Variants in TTC28 observed in about 807,000 individuals in gnomAD.
TTC28 encodes the protein tetratricopeptide repeat protein 28.
TTC28 carries 61 observed loss-of-function variants against 198.0 expected under a neutral mutation model. The ratio of observed to expected loss-of-function variants is 0.31; its 90% CI spans 0.25 to 0.38. The LOEUF (loss-of-function observed/expected upper bound fraction) is 0.38, where lower values mean the gene tolerates loss of function less well. Ranked by LOEUF, TTC28 falls within the 10% of genes least tolerant of loss-of-function variation. The pLI is 1.00. For missense variants in TTC28, 2,678 were observed against 3,164.0 expected (o/e 0.85, Z 3.69); for synonymous variants, 1,171 against 1,297.8 (o/e 0.90, Z 2.10).
intron 5 of TTC28, among the ~76,000 whole-genome samples, chr22:28,277,437 G>C (rs550449768): frequency 6.6e-6 from 1 of 152,134 alleles, no homozygotes; most frequent in Non-Finnish European, 1.5e-5. Context: ...TCAGTGAATG[G>C]GAAGGGCATT....
intron 2 of TTC28, among the ~76,000 whole-genome samples, chr22:28,570,049 C>T (rs2146023522): frequency 6.6e-6 from 1 of 152,220 alleles, no homozygotes; most frequent in East Asian, 1.9e-4. Flanking sequence ...AAAGTCAAAA[C>T]ATAACAGACG....
chr22:27,985,844 T>G (rs553435024), intron 21 of TTC28: 1 of 155,838 alleles, frequency 6.4e-6, no homozygotes, highest in South Asian at 2.0e-4. Flanking sequence ...CCCGTGGGCT[T>G]TGAAATGATC....
chr22:28,201,195 T>A (rs1054013401), intron 5 of TTC28, among the ~76,000 whole-genome samples: 1 of 152,152 alleles, frequency 6.6e-6, no homozygotes, highest in Non-Finnish European at 1.5e-5. Context: ...ATTCATTCAT[T>A]CATTCATTCA....
chr22:28,388,204 A>G (rs542571172), intron 2 of TTC28, among the ~76,000 whole-genome samples: 1 of 152,224 alleles, frequency 6.6e-6, no homozygotes, highest in East Asian at 1.9e-4. Flanking sequence ...ATTGATCTAT[A>G]TCTCTGTTTT....
intron 2 of TTC28, among the ~76,000 whole-genome samples, chr22:28,584,676 G>A (rs989957022): frequency 1.2e-4 from 19 of 152,010 alleles, no homozygotes; most frequent in African/African-American, 3.1e-4. Context: ...CTACCATACC[G>A]GACAACACAA....
chr22:28,584,204 C>T (rs1054096510), intron 2 of TTC28, among the ~76,000 whole-genome samples: 1 of 152,122 alleles, frequency 6.6e-6, no homozygotes, highest in Non-Finnish European at 1.5e-5. Flanking sequence ...AGCAGTATTC[C>T]ATTTCTTTAT....
chr22:28,199,584 CTGTGTATGTGTA>C (rs143224929), intron 5 of TTC28, among the ~76,000 whole-genome samples: 10,149 of 143,996 alleles, frequency 0.07, 445 homozygotes, highest in South Asian at 0.08. Context: ...TGCATGTGCA[CTGTGTATGTGTA>C]TGTGTATGTG....
At chr22:28,207,540 T>C (rs1926531724) in intron 5 of TTC28, among the ~76,000 whole-genome samples, 1 of 152,134 alleles carries the variant, frequency 6.6e-6, no homozygotes, top group Non-Finnish European at 1.5e-5. Context: ...AGGCCAACAA[T>C]ATCTGACTCT....
At chr22:28,181,314 T>A (rs547468784) in intron 5 of TTC28, among the ~76,000 whole-genome samples, 1 of 152,290 alleles carries the variant, frequency 6.6e-6, no homozygotes, top group South Asian at 2.1e-4. Context: ...CAGATGTAAA[T>A]TAACAGATTA....
chr22:28,465,158 T>G (rs775594598), intron 2 of TTC28, among the ~76,000 whole-genome samples: 1 of 152,216 alleles, frequency 6.6e-6, no homozygotes, highest in Non-Finnish European at 1.5e-5. Context: ...AATATTTTCT[T>G]CAGCTAGCTT....
chr22:28,593,440 G>A (rs2050471652), intron 2 of TTC28, among the ~76,000 whole-genome samples: 1 of 151,444 alleles, frequency 6.6e-6, no homozygotes, highest in African/African-American at 2.4e-5. Flanking sequence ...TAGACAGACA[G>A]GTAGGTAGAT....
At chr22:28,675,467 GT>G (rs1336255568) in intron 1 of TTC28, among the ~76,000 whole-genome samples, 3 of 152,100 alleles carry the variant, frequency 2.0e-5, no homozygotes, top group African/African-American at 7.2e-5. Flanking sequence ...TATCAAAAGA[GT>G]AAACCGGGTG....
rs533814364 is a variant in TTC28, at chr22:27,995,665, C to A, written c.5244+470G>T. Among the ~76,000 whole-genome samples the A allele has an allele frequency of 3.3e-5, 5 of 152,274 alleles. No individual in the cohort carries two copies. The South Asian group carries it at 6.2e-4, about 19-fold the overall frequency. On this transcript the variant is annotated intron_variant, in intron 17 of 22. Coordinates refer to ENST00000397906, the MANE Select transcript of TTC28 (RefSeq NM_001145418.2). ...AAGTACTCACATTTTCTCAAATCCTCACGATAACCTTGAACTGTTCAACTT... is the reference window on the plus strand; with the variant it reads ...AAGTACTCACATTTTCTCAAATCCTAACGATAACCTTGAACTGTTCAACTT...
At chr22:28,041,807 TG>T (rs1939650396) in intron 12 of TTC28, among the ~76,000 whole-genome samples, 1 of 150,722 alleles carries the variant, frequency 6.6e-6, no homozygotes, top group Non-Finnish European at 1.5e-5. Context: ...ACCTACAGAA[TG>T]GGAGAAAATC....
At chr22:28,262,411 T>C (rs1407766549) in intron 5 of TTC28, among the ~76,000 whole-genome samples, 3 of 152,190 alleles carry the variant, frequency 2.0e-5, no homozygotes, top group Non-Finnish European at 4.4e-5. Flanking sequence ...TAGTTTTCCA[T>C]ATGGCGGTAT....
intron 5 of TTC28, among the ~76,000 whole-genome samples, chr22:28,207,971 C>T (rs1457214456): frequency 2.0e-5 from 3 of 152,072 alleles, no homozygotes; most frequent in Non-Finnish European, 2.9e-5. Flanking sequence ...GGGCAAGGGG[C>T]AAGAAAAACT....
intron 2 of TTC28, among the ~76,000 whole-genome samples, chr22:28,326,939 C>G (rs2045539633): frequency 1.3e-5 from 2 of 150,288 alleles, no homozygotes; most frequent in African/African-American, 4.9e-5. Flanking sequence ...TAAATTAGTA[C>G]TTTGGACATC....
chr22:28,197,363 A>G (rs2147143748), intron 5 of TTC28, among the ~76,000 whole-genome samples: 1 of 152,150 alleles, frequency 6.6e-6, no homozygotes, highest in East Asian at 1.9e-4. Flanking sequence ...CCAACATGGC[A>G]CATGTATACA....
intron 5 of TTC28, among the ~76,000 whole-genome samples, chr22:28,265,472 A>G (rs1931623317): frequency 1.3e-5 from 2 of 152,172 alleles, no homozygotes; most frequent in Non-Finnish European, 2.9e-5. Context: ...AGTAGAGGCA[A>G]TATCACTTGT....
Sources: allele counts gnomAD v4.1 joint callset (sites outside exome capture counted in the v4.1 genomes callset), GRCh38; gene constraint gnomAD v4.1.1; transcripts MANE v1.5; gene names NCBI Gene and HGNC (gene_info 2026-07-23, HGNC 2026-07-21).